Variants in PCNX2 observed in about 807,000 individuals in gnomAD.
PCNX2 encodes pecanex-like protein 2.
Under a neutral mutation model 223.8 loss-of-function variants are expected in PCNX2, and 168 were observed. The observed-to-expected ratio is 0.75, with a 90% CI of 0.66 to 0.85. PCNX2 has a LOEUF of 0.85. Among genes scored for constraint, PCNX2 ranks in the 40% least tolerant of loss-of-function variants. The probability of loss-of-function intolerance (pLI) is 0.00; values close to 1 mark genes in which losing one functional copy is unlikely to be tolerated. For synonymous variants in PCNX2, 1,006 were observed against 1,052.6 expected (o/e 0.96, Z 0.86); for missense variants, 2,507 against 2,675.5 (o/e 0.94, Z 1.39).
chr1:232,992,475 C>T lies in PCNX2; in HGVS notation c.5791+5776G>A, dbSNP rs192765523. ...ACAGATGGAGGGCAGGAGGCAAGGG[C>T]GGCACACTCAGTGTTCAGTAATGCT... On this transcript the variant is annotated intron_variant, in intron 32 of 33. Coordinates refer to ENST00000258229, the MANE Select transcript of PCNX2 (RefSeq NM_014801.4). 8.6e-4 allele frequency among the ~76,000 whole-genome samples: 131 copies of T among 152,298 alleles called. 1 individual carries two copies. The highest frequency in any genetic ancestry group is 2.9e-3 in the African/African-American group (120 of 41,576).
chr1:233,177,394 A>G (rs1163077730), intron 17 of PCNX2, among the ~76,000 whole-genome samples: 1 of 152,152 alleles, frequency 6.6e-6, no homozygotes, highest in Non-Finnish European at 1.5e-5. Context: ...TTGCTAGCCA[A>G]TCGGGACAAA....
intron 7 of PCNX2, 55 bp from the exon 8 acceptor site, chr1:233,250,887 C>A: frequency 2.0e-6 from 3 of 1,497,396 alleles, no homozygotes; most frequent in Middle Eastern, 1.7e-4. Flanking sequence ...CATATAGAAT[C>A]GTTTCAACTT....
At chr1:233,323,426 G>C in the PCNX2 span, among the ~76,000 whole-genome samples, 5 of 152,284 alleles carry the variant, frequency 3.3e-5, no homozygotes, top group African/African-American at 9.6e-5. Context: ...AATTATCGTG[G>C]TTTGCAGATA....
intron 25 of PCNX2, among the ~76,000 whole-genome samples, chr1:233,035,410 A>G (rs969723847): frequency 2.0e-5 from 3 of 152,240 alleles, no homozygotes; most frequent in Non-Finnish European, 4.4e-5. Flanking sequence ...GTAAATGTTT[A>G]AAACTATGCT....
chr1:233,311,254 C>G, the PCNX2 span, among the ~76,000 whole-genome samples: 2 of 152,142 alleles, frequency 1.3e-5, no homozygotes, highest in Admixed American at 6.6e-5. Context: ...TATAATAAAA[C>G]CTAAAAGAGC....
At chr1:233,102,913 T>G (rs1028095287) in intron 21 of PCNX2, among the ~76,000 whole-genome samples, 1 of 152,170 alleles carries the variant, frequency 6.6e-6, no homozygotes, top group African/African-American at 2.4e-5. Context: ...TCTGTGCTTT[T>G]GAGGCCTTAC....
Position 233,258,402 on chromosome 1 carries a change from C to T in PCNX2, c.1460G>A (p.Arg487Gln), listed in dbSNP as rs759830216. ...CCGGGACACCGATTCCCAGGGTTCC[C>T]GTGATGAAGAACTGTGATCCTTGAT... is the stretch of plus-strand genomic sequence containing the variant. ...NAIKDHSSSSREPWESVSRLT... is the reference protein window; with the variant it reads ...NAIKDHSSSSQEPWESVSRLT... Residue 487 changes from arginine (R) to glutamine (Q), a missense_variant, in exon 5 of 34, where the codon CGG becomes CAG. By Grantham distance (43) the Arg-to-Gln change is conservative. This residue lies in a region of PCNX2 where 1,031 missense variants were observed against 1,021.7 expected (regional missense o/e 1.01). Coordinates refer to ENST00000258229, the MANE Select transcript of PCNX2 (RefSeq NM_014801.4). The T allele has an allele frequency of 3.7e-6, 6 of 1,613,952 alleles. No homozygotes were observed. The highest frequency in any genetic ancestry group is 1.7e-5 in the Admixed American group (1 of 60,022).
chr1:233,147,461 A>G (rs1257208035), intron 19 of PCNX2, among the ~76,000 whole-genome samples: 1 of 152,042 alleles, frequency 6.6e-6, no homozygotes, highest in East Asian at 1.9e-4. Context: ...GAGTAGGCTG[A>G]GGAGGAGAAG....
At chr1:233,245,606 T>C (rs1405182121) in intron 8 of PCNX2, among the ~76,000 whole-genome samples, 1 of 152,152 alleles carries the variant, frequency 6.6e-6, no homozygotes, top group African/African-American at 2.4e-5. Flanking sequence ...ACCTGTGGTC[T>C]GTGGTGTTGT....
At chr1:233,151,598 G>A (rs890574842) in intron 19 of PCNX2, among the ~76,000 whole-genome samples, 3 of 152,200 alleles carry the variant, frequency 2.0e-5, no homozygotes, top group African/African-American at 7.2e-5. Context: ...ACACCCTGTG[G>A]CTTGCTGGAG....
At chr1:233,261,183 G>C in intron 4 of PCNX2, 102 bp downstream of exon 4, 1 of 1,099,550 alleles carries the variant, frequency 9.1e-7, no homozygotes, top group African/African-American at 1.6e-5. Context: ...CTTAGGTATA[G>C]TTCTTATTTT....
intron 1 of PCNX2, among the ~76,000 whole-genome samples, chr1:233,270,446 C>T (rs554701472): frequency 6.6e-6 from 1 of 152,116 alleles, no homozygotes; most frequent in Non-Finnish European, 1.5e-5. Context: ...TAGATGTGTA[C>T]AGAATGCATC....
intron 17 of PCNX2, chr1:233,167,639 T>C (rs933016524): frequency 1.4e-6 from 1 of 718,424 alleles, no homozygotes; most frequent in Non-Finnish European, 1.7e-6. Flanking sequence ...AGTAACCATT[T>C]TACTATCTAT....
At chr1:233,100,728 C>T (rs1043275739) in intron 21 of PCNX2, among the ~76,000 whole-genome samples, 1 of 152,196 alleles carries the variant, frequency 6.6e-6, no homozygotes, top group African/African-American at 2.4e-5. Flanking sequence ...TAACTGGCTA[C>T]TTACAGAATT....
the PCNX2 span, among the ~76,000 whole-genome samples, chr1:233,324,024 C>A: frequency 1.3e-5 from 2 of 152,170 alleles, no homozygotes; most frequent in African/African-American, 4.8e-5. Flanking sequence ...GACAAACAAG[C>A]TTATTGCTGA....
intron 10 of PCNX2, 104 bp from the exon 11 acceptor site, chr1:233,218,288 G>A (rs573099658): frequency 1.9e-4 from 201 of 1,051,818 alleles, no homozygotes; most frequent in South Asian, 5.0e-4. Context: ...TTGCTCTATC[G>A]CCCAGGCTGG....
chr1:233,115,534 T>G (rs1475046140), intron 21 of PCNX2, among the ~76,000 whole-genome samples: 3 of 152,196 alleles, frequency 2.0e-5, no homozygotes, highest in Admixed American at 2.0e-4. Flanking sequence ...AAATGCTTTC[T>G]TACCTCAGTT....
chr1:233,189,127 C>T (rs80348205), intron 15 of PCNX2, among the ~76,000 whole-genome samples: 1,900 of 152,222 alleles, frequency 0.012, 47 homozygotes, highest in African/African-American at 0.042. Flanking sequence ...CATCCACATG[C>T]GGTAGGTACT....
At chr1:233,025,854 A>G (rs1671063590) in intron 25 of PCNX2, among the ~76,000 whole-genome samples, 1 of 152,222 alleles carries the variant, frequency 6.6e-6, no homozygotes, top group Non-Finnish European at 1.5e-5. Context: ...GTCACCACGC[A>G]AAAATGGTAG....
Sources: gnomAD v4.1 joint callset for allele counts (sites outside exome capture counted in the v4.1 genomes callset) on GRCh38, gnomAD v4.1.1 for gene constraint, gnomAD v4.1.1 regional missense constraint, MANE v1.5 for transcripts, NCBI Gene and HGNC (gene_info 2026-07-23, HGNC 2026-07-21) for gene names.